The following NEDD4 variants were observed in gnomAD, a reference collection of about 807,000 sequenced individuals.
The protein encoded by NEDD4 is NEDD4 E3 ubiquitin protein ligase, also known as E3 ubiquitin-protein ligase NEDD4.
In NEDD4, 99 loss-of-function variants were observed where a neutral mutation model predicts 144.9. That is an observed-to-expected ratio of 0.68 (90% CI 0.58 to 0.81). NEDD4 has a LOEUF of 0.81. NEDD4 is among the 30% of genes least tolerant of loss of function. The probability of loss-of-function intolerance (pLI) is 0.00; values close to 1 mark genes in which losing one functional copy is unlikely to be tolerated. For missense variants in NEDD4, 985 were observed against 1,065.9 expected, an observed-to-expected ratio of 0.92 and a Z score of 1.06; for synonymous variants, 318 against 350.6, an observed-to-expected ratio of 0.91 and a Z score of 1.04.
intron 1 of NEDD4, 92 bp downstream of exon 1, chr15:55,993,419 C>CCT: frequency 6.8e-7 from 1 of 1,480,584 alleles, no homozygotes; most frequent in Non-Finnish European, 9.2e-7. Context: ...GACAGCAGAG[C>CCT]CTCCGGTCGT....
intron 5 of NEDD4, among the ~76,000 whole-genome samples, chr15:55,891,183 A>G (rs2035559897): frequency 6.6e-6 from 1 of 152,228 alleles, no homozygotes; most frequent in Admixed American, 6.5e-5. Flanking sequence ...TTTAAAGCCA[A>G]TGATCTGAAA....
intron 5 of NEDD4, among the ~76,000 whole-genome samples, chr15:55,922,292 A>G (rs1159688954): frequency 6.6e-6 from 1 of 152,252 alleles, no homozygotes; most frequent in Non-Finnish European, 1.5e-5. Context: ...TAAGCAAAAA[A>G]GCATATCAGA....
intron 2 of NEDD4, among the ~76,000 whole-genome samples, chr15:55,961,053 C>T (rs2037416771): frequency 6.6e-6 from 1 of 152,198 alleles, no homozygotes; most frequent in Non-Finnish European, 1.5e-5. Flanking sequence ...TCAGGATTCT[C>T]CTAGAGAGTG....
intron 5 of NEDD4, among the ~76,000 whole-genome samples, chr15:55,879,339 T>C (rs2035102951): frequency 6.6e-6 from 1 of 152,110 alleles, no homozygotes; most frequent in South Asian, 2.1e-4. Context: ...GACAAATATA[T>C]ACTTCCCAGG....
intron 8 of NEDD4, among the ~76,000 whole-genome samples, chr15:55,869,034 C>T (rs146766995): frequency 6.0e-4 from 91 of 152,258 alleles, no homozygotes; most frequent in African/African-American, 2.2e-3. Flanking sequence ...ACTCCAGATG[C>T]ATGTAACTCT....
rs557150628 is a variant in NEDD4 at position 55,848,782 on chromosome 15, G to T, written c.1428+24C>A. ...AATATTTGAGATAGCCAAGTTAGAT[G>T]GGTTAGCATTTCTATACACTTACAG... is the stretch of plus-strand genomic sequence containing the variant. On this transcript the variant is annotated intron_variant, in intron 15 of 28. Transcript: ENST00000435532. 6 of 1,592,258 alleles carry T rather than the reference G, an allele frequency of 3.8e-6. No homozygotes were observed. The East Asian group carries it at 6.7e-5, about 18-fold the overall frequency.
intron 1 of NEDD4, among the ~76,000 whole-genome samples, chr15:55,980,110 T>C (rs1205506843): frequency 6.6e-6 from 1 of 152,122 alleles, no homozygotes; most frequent in Non-Finnish European, 1.5e-5. Context: ...GCCCAGCTAA[T>C]TTTTGTATTT....
chr15:55,840,204 G>T (rs183404613), intron 21 of NEDD4, among the ~76,000 whole-genome samples: 2 of 150,918 alleles, frequency 1.3e-5, no homozygotes, highest in East Asian at 3.9e-4. Flanking sequence ...ATAGGTATGT[G>T]ATAAAGTAAA....
intron 5 of NEDD4, among the ~76,000 whole-genome samples, chr15:55,884,207 A>G (rs2035305668): frequency 6.6e-6 from 1 of 152,136 alleles, no homozygotes; most frequent in Non-Finnish European, 1.5e-5. Context: ...TAAGTTCAAG[A>G]GCCACAGCAT....
intron 4 of NEDD4, among the ~76,000 whole-genome samples, chr15:55,945,322 A>G (rs1268187011): frequency 1.3e-5 from 2 of 152,150 alleles, no homozygotes; most frequent in African/African-American, 4.8e-5. Flanking sequence ...ACCTTAAATG[A>G]CCTGATGGAG....
chr15:55,923,245 A>G (rs771138587), intron 5 of NEDD4, among the ~76,000 whole-genome samples: 24 of 152,166 alleles, frequency 1.6e-4, no homozygotes, highest in Non-Finnish European at 3.2e-4. Context: ...AAAAAGGAAA[A>G]CATTTTATAT....
chr15:55,835,154 C>G (rs2033135850), intron 24 of NEDD4, among the ~76,000 whole-genome samples: 1 of 152,184 alleles, frequency 6.6e-6, no homozygotes, highest in African/African-American at 2.4e-5. Flanking sequence ...TATGCACTTA[C>G]CAAATCCATT....
chr15:55,993,232 C>T (rs960889766), intron 1 of NEDD4, among the ~76,000 whole-genome samples: 1 of 152,176 alleles, frequency 6.6e-6, no homozygotes, highest in Non-Finnish European at 1.5e-5. Flanking sequence ...GCCCCCTCCT[C>T]AACACTTCCT....
chr15:55,989,393 G>A (rs55951039), intron 1 of NEDD4, among the ~76,000 whole-genome samples: 18,409 of 152,222 alleles, frequency 0.12, 1,208 homozygotes, highest in East Asian at 0.26. Flanking sequence ...GAAAGATTGG[G>A]AGAAATTACT....
chr15:55,891,802 T>G (rs2035578748), intron 5 of NEDD4, among the ~76,000 whole-genome samples: 1 of 152,196 alleles, frequency 6.6e-6, no homozygotes, highest in Non-Finnish European at 1.5e-5. Context: ...GAACTAAAGA[T>G]GCTCTAATTT....
At chr15:55,941,630 T>C (rs2037006542) in intron 4 of NEDD4, among the ~76,000 whole-genome samples, 1 of 151,500 alleles carries the variant, frequency 6.6e-6, no homozygotes, top group African/African-American at 2.4e-5. Context: ...AGCAGCACAA[T>C]TTCAGCTCAC....
In NEDD4 at chr15:55,840,601, C is replaced by T; in HGVS notation, c.1960+5G>A. 1.9e-6 allele frequency: 3 copies of T among 1,613,984 alleles called. No individual in the cohort carries two copies. The South Asian group carries it at 3.3e-5, about 18-fold the overall frequency. ...TATTGTAAAAAGTTTATACTTAATA[C>T]TAACCATCCAACAGTTTGCCATGAT... is the stretch of plus-strand genomic sequence containing the variant. On this transcript the variant is annotated splice_donor_5th_base_variant and intron_variant, in intron 20 of 28. Coordinates refer to ENST00000435532, the MANE Select transcript of NEDD4 (RefSeq NM_006154.4).
At chr15:55,988,321 T>A (rs1350629746) in intron 1 of NEDD4, among the ~76,000 whole-genome samples, 1 of 75,686 alleles carries the variant, frequency 1.3e-5, no homozygotes, top group Non-Finnish European at 2.4e-5. Context: ...CTGGGGACTG[T>A]GGTGGGGTCG....
At chr15:55,946,408 G>T (rs1479209454) in intron 4 of NEDD4, among the ~76,000 whole-genome samples, 2 of 152,194 alleles carry the variant, frequency 1.3e-5, no homozygotes, top group African/African-American at 4.8e-5. Context: ...AAGAGACAAA[G>T]AAAGCCATTA....
Sources: gnomAD v4.1 joint callset for allele counts (sites outside exome capture counted in the v4.1 genomes callset) on GRCh38, gnomAD v4.1.1 for gene constraint, MANE v1.5 for transcripts, NCBI Gene and HGNC (gene_info 2026-07-23, HGNC 2026-07-21) for gene names.